Variants in PAX5 observed in about 807,000 individuals in gnomAD.
PAX5 encodes paired box 5, also known as paired box protein Pax-5.
Under a neutral mutation model 43.7 loss-of-function variants are expected in PAX5, and 9 were observed. The observed-to-expected ratio is 0.21, with a 90% CI of 0.12 to 0.36. The LOEUF (loss-of-function observed/expected upper bound fraction) is 0.36, where lower values mean the gene tolerates loss of function less well. Among genes scored for constraint, PAX5 ranks in the 10% least tolerant of loss-of-function variants. PAX5 has a pLI of 1.00. For synonymous variants in PAX5, 228 were observed against 214.3 expected, an observed-to-expected ratio of 1.06 and a Z score of -0.56; for missense variants, 383 against 532.7, an observed-to-expected ratio of 0.72 and a Z score of 2.77.
chr9:36,969,528 G>T (rs1238268868), intron 5 of PAX5, among the ~76,000 whole-genome samples: 1 of 152,236 alleles, frequency 6.6e-6, no homozygotes, highest in Non-Finnish European at 1.5e-5. Flanking sequence ...GTACACACAG[G>T]GGGTGTTAGG....
At chr9:36,916,832 G>A (rs1226230406) in intron 7 of PAX5, among the ~76,000 whole-genome samples, 1 of 152,026 alleles carries the variant, frequency 6.6e-6, no homozygotes. Context: ...CTACAGGTGT[G>A]CACAACCATG....
In PAX5 at chr9:36,937,429, G is replaced by A. The variant is rs373355013; in HGVS notation, c.781-13945C>T. On this transcript the variant is annotated intron_variant, in intron 6 of 9. Coordinates refer to ENST00000358127, the MANE Select transcript of PAX5 (RefSeq NM_016734.3). ...CCAACAAGTTGCAGATGAGAACACTGAGGTTGACAGAAGTTGAGTAAGTTG... is the reference window on the plus strand; with the variant it reads ...CCAACAAGTTGCAGATGAGAACACTAAGGTTGACAGAAGTTGAGTAAGTTG... 3.4e-4 allele frequency among the ~76,000 whole-genome samples: 52 copies of A among 152,284 alleles called. No homozygotes were observed. In the South Asian group the frequency reaches 0.011, roughly 32 times the overall value.
intron 7 of PAX5, among the ~76,000 whole-genome samples, chr9:36,914,238 T>C (rs1195083907): frequency 6.6e-6 from 1 of 152,262 alleles, no homozygotes; most frequent in Non-Finnish European, 1.5e-5. Context: ...TTCATTTACA[T>C]ATAAATGTGA....
chr9:36,881,898 C>A, intron 8 of PAX5, 106 bp downstream of exon 8: 1 of 838,728 alleles, frequency 1.2e-6, no homozygotes, highest in Non-Finnish European at 2.0e-6. Context: ...TATTCAGGTC[C>A]GCTTCTCAGA....
intron 6 of PAX5, among the ~76,000 whole-genome samples, chr9:36,932,378 T>C (rs1831203512): frequency 6.6e-6 from 1 of 152,026 alleles, no homozygotes; most frequent in South Asian, 2.1e-4. Context: ...AAATGTGGTA[T>C]ATCTACACAA....
chr9:37,014,909 C>A (rs1839264284), intron 3 of PAX5, 88 bp downstream of exon 3: 2 of 1,238,610 alleles, frequency 1.6e-6, no homozygotes, highest in Non-Finnish European at 1.2e-6. Context: ...AAAAAGAGAC[C>A]AGATCTTCAG....
chr9:36,848,209 T>C (rs1210690547), intron 8 of PAX5, among the ~76,000 whole-genome samples: 1 of 152,030 alleles, frequency 6.6e-6, no homozygotes, highest in Admixed American at 6.5e-5. Flanking sequence ...CTCTCTCTCC[T>C]ACAACCCAAG....
intron 7 of PAX5, among the ~76,000 whole-genome samples, chr9:36,918,444 CTTGAGCCTAGGAGT>C (rs1031323250): frequency 2.6e-5 from 4 of 152,108 alleles, no homozygotes; most frequent in Non-Finnish European, 5.9e-5. Flanking sequence ...GGGAGGATTG[CTTGAGCCTAGGAGT>C]TTGAGAACAG....
chr9:36,891,442 G>T (rs1329069468), intron 7 of PAX5, among the ~76,000 whole-genome samples: 1 of 152,232 alleles, frequency 6.6e-6, no homozygotes, highest in Non-Finnish European at 1.5e-5. Flanking sequence ...AGGCTTATTC[G>T]TTCCAGCTGG....
At chr9:36,876,538 C>T (rs551856640) in intron 8 of PAX5, among the ~76,000 whole-genome samples, 7 of 152,166 alleles carry the variant, frequency 4.6e-5, no homozygotes, top group Non-Finnish European at 1.0e-4. Context: ...AATGCCATGT[C>T]GATATCTGCA....
At chr9:36,989,404 C>A (rs1836738049) in intron 5 of PAX5, among the ~76,000 whole-genome samples, 1 of 152,206 alleles carries the variant, frequency 6.6e-6, no homozygotes, top group Non-Finnish European at 1.5e-5. Flanking sequence ...AATTGTCTCA[C>A]TCTCTCTGTA....
intron 6 of PAX5, among the ~76,000 whole-genome samples, chr9:36,924,494 T>C (rs117352756): frequency 0.031 from 4,704 of 151,982 alleles, 117 homozygotes; most frequent in Middle Eastern, 0.054. Context: ...CCAAAGCGGG[T>C]GGATCATTTG....
chr9:36,968,939 G>A (rs931644335), intron 5 of PAX5, among the ~76,000 whole-genome samples: 1 of 151,960 alleles, frequency 6.6e-6, no homozygotes, highest in Non-Finnish European at 1.5e-5. Context: ...ACATGCACAC[G>A]CACACGCACA....
intron 7 of PAX5, among the ~76,000 whole-genome samples, chr9:36,922,031 C>T (rs1301095750): frequency 6.6e-6 from 1 of 152,206 alleles, no homozygotes; most frequent in Non-Finnish European, 1.5e-5. Context: ...ACTCCAGGCT[C>T]TTGGCCCACC....
chr9:36,941,377 G>A (rs1254607446), intron 6 of PAX5, among the ~76,000 whole-genome samples: 1 of 152,230 alleles, frequency 6.6e-6, no homozygotes. Context: ...GGAAGCAGCA[G>A]AAGTGAGTCC....
At chr9:36,868,590 C>T (rs560806936) in intron 8 of PAX5, among the ~76,000 whole-genome samples, 131 of 152,170 alleles carry the variant, frequency 8.6e-4, no homozygotes, top group Non-Finnish European at 1.7e-3. Flanking sequence ...GTGTGAGCTC[C>T]GTAGCATCCC....
At chr9:36,865,274 T>A (rs1348380815) in intron 8 of PAX5, among the ~76,000 whole-genome samples, 1 of 152,164 alleles carries the variant, frequency 6.6e-6, no homozygotes, top group Non-Finnish European at 1.5e-5. Flanking sequence ...AACCCTCAGC[T>A]TCTGAGCTCC....
intron 6 of PAX5, among the ~76,000 whole-genome samples, chr9:36,956,243 T>C (rs988111001): frequency 6.6e-6 from 1 of 152,202 alleles, no homozygotes; most frequent in South Asian, 2.1e-4. Context: ...GATGAATGAA[T>C]GAATAAATGA....
intron 4 of PAX5, among the ~76,000 whole-genome samples, chr9:37,005,652 GA>G (rs1380711360): frequency 2.6e-5 from 4 of 152,224 alleles, no homozygotes; most frequent in African/African-American, 9.6e-5. Flanking sequence ...CAAAAGTGTG[GA>G]AATGTTACAC....
Sources: allele counts gnomAD v4.1 joint callset (sites outside exome capture counted in the v4.1 genomes callset), GRCh38; gene constraint gnomAD v4.1.1; transcripts MANE v1.5; gene names NCBI Gene and HGNC (gene_info 2026-07-23, HGNC 2026-07-21).